Variants in ZDHHC15 observed in about 807,000 individuals in gnomAD.
ZDHHC15 encodes palmitoyltransferase ZDHHC15.
ZDHHC15 carries 19 observed loss-of-function variants against 31.7 expected under a neutral mutation model. The ratio of observed to expected loss-of-function variants is 0.60; its 90% CI spans 0.42 to 0.88. ZDHHC15 has a LOEUF of 0.88. Ranked by LOEUF, ZDHHC15 falls within the 40% of genes least tolerant of loss-of-function variation. ZDHHC15 has a pLI of 0.00. For synonymous variants in ZDHHC15, 103 were observed against 90.0 expected, an observed-to-expected ratio of 1.14 and a Z score of -0.82; for missense variants, 209 against 251.2, an observed-to-expected ratio of 0.83 and a Z score of 1.14.
chrX:75,441,393 C>G (rs139336549), intron 4 of ZDHHC15, among the ~76,000 whole-genome samples: 1 of 111,098 alleles, frequency 9.0e-6, no homozygotes, highest in Admixed American at 9.6e-5. Flanking sequence ...ATATTTCTCT[C>G]GGCTCTCCAA....
intron 8 of ZDHHC15, among the ~76,000 whole-genome samples, chrX:75,422,462 T>C (rs1008718990): frequency 9.8e-5 from 11 of 112,051 alleles, no homozygotes; most frequent in Non-Finnish European, 1.1e-4. Flanking sequence ...AATGAAAGTG[T>C]TCATGCTGAA....
At chrX:75,433,805 C>T (rs966108294) in intron 4 of ZDHHC15, among the ~76,000 whole-genome samples, 1 of 109,491 alleles carries the variant, frequency 9.1e-6, no homozygotes, top group Non-Finnish European at 1.9e-5. Flanking sequence ...GATGAACATG[C>T]CTGTGCAAGT....
At chrX:75,454,823 C>G (rs932760069) in intron 3 of ZDHHC15, among the ~76,000 whole-genome samples, 2 of 111,144 alleles carry the variant, frequency 1.8e-5, no homozygotes, top group Non-Finnish European at 3.8e-5. Flanking sequence ...ATGTGAAGGA[C>G]CTCTTTAAGG....
intron 8 of ZDHHC15, among the ~76,000 whole-genome samples, chrX:75,422,912 G>A (rs1449973644): frequency 9.4e-6 from 1 of 106,058 alleles, no homozygotes; most frequent in African/African-American, 3.4e-5. Flanking sequence ...CCACTAACTT[G>A]TCATCTAGCA....
intron 4 of ZDHHC15, among the ~76,000 whole-genome samples, chrX:75,442,605 C>T (rs988175722): frequency 2.7e-5 from 3 of 111,586 alleles, no homozygotes; most frequent in Non-Finnish European, 3.8e-5. Flanking sequence ...ATGTGAAGGA[C>T]CTTTTCAAGG....
chrX:75,387,286 C>T (rs1175846816), intron 10 of ZDHHC15, among the ~76,000 whole-genome samples: 1 of 111,679 alleles, frequency 9.0e-6, no homozygotes, highest in Admixed American at 9.5e-5. Flanking sequence ...AGAAGTAATA[C>T]TGAACAGGGA....
At chrX:75,407,108 G>A (rs1389001012) in intron 10 of ZDHHC15, among the ~76,000 whole-genome samples, 2 of 112,139 alleles carry the variant, frequency 1.8e-5, no homozygotes, top group Admixed American at 9.4e-5. Flanking sequence ...CCGCTACCCC[G>A]TATGGGAAGT....
At chrX:75,428,775 C>T (rs940103457) in intron 7 of ZDHHC15, among the ~76,000 whole-genome samples, 10 of 111,605 alleles carry the variant, frequency 9.0e-5, no homozygotes, top group Middle Eastern at 4.2e-3. Flanking sequence ...GGAAGTGGAA[C>T]TTTAAAACTC....
At chrX:75,425,277 A>G (rs1273214471) in intron 7 of ZDHHC15, among the ~76,000 whole-genome samples, 2 of 111,654 alleles carry the variant, frequency 1.8e-5, no homozygotes, top group East Asian at 2.8e-4. Context: ...TGTCCTACCC[A>G]TAAGTCATAA....
chrX:75,467,582 T>C (rs1462893573), intron 3 of ZDHHC15, among the ~76,000 whole-genome samples: 1 of 112,210 alleles, frequency 8.9e-6, no homozygotes, highest in Non-Finnish European at 1.9e-5. Context: ...TTTTTACACG[T>C]TAAAAATAAT....
chrX:75,456,626 T>C (rs1374235684), intron 3 of ZDHHC15, among the ~76,000 whole-genome samples: 1 of 111,249 alleles, frequency 9.0e-6, no homozygotes, highest in Non-Finnish European at 1.9e-5. Flanking sequence ...CCAACCACTG[T>C]GGAAGACAGT....
At chrX:75,417,231 T>C (rs745392289) in intron 9 of ZDHHC15, 41 bp from the exon 10 acceptor site, 2 of 981,578 alleles carry the variant, frequency 2.0e-6, no homozygotes, top group South Asian at 2.1e-5. Context: ...GCAGCTGACA[T>C]AGACTTTTGT....
At chrX:75,474,708 T>G (rs952931467) in intron 3 of ZDHHC15, among the ~76,000 whole-genome samples, 2 of 108,476 alleles carry the variant, frequency 1.8e-5, no homozygotes, top group African/African-American at 6.7e-5. Context: ...ATTTTAAAAC[T>G]GATCTGCACA....
At chrX:75,437,576 G>A (rs1299911021) in intron 4 of ZDHHC15, among the ~76,000 whole-genome samples, 1 of 101,557 alleles carries the variant, frequency 9.8e-6, no homozygotes, top group Non-Finnish European at 2.0e-5. Flanking sequence ...TGAGAATGAT[G>A]ATTTCCAATT....
chrX:75,487,747 C>A (rs961247192), intron 2 of ZDHHC15, among the ~76,000 whole-genome samples: 4 of 111,354 alleles, frequency 3.6e-5, no homozygotes, highest in African/African-American at 6.5e-5. Flanking sequence ...AGGCACCAGA[C>A]AAAGGTGAAA....
intron 10 of ZDHHC15, among the ~76,000 whole-genome samples, chrX:75,393,752 AAACAG>A (rs2083270360): frequency 1.8e-5 from 2 of 111,621 alleles, no homozygotes; most frequent in Non-Finnish European, 3.8e-5. Flanking sequence ...TTCTCTAGAG[AAACAG>A]AACTAATGGA....
At chrX:75,441,724 C>T (rs1050701185) in intron 4 of ZDHHC15, among the ~76,000 whole-genome samples, 2 of 107,984 alleles carry the variant, frequency 1.9e-5, no homozygotes, top group South Asian at 4.2e-4. Flanking sequence ...CCTGGGTTCA[C>T]GCCATTCTCC....
intron 10 of ZDHHC15, among the ~76,000 whole-genome samples, chrX:75,403,255 A>G (rs1199030111): frequency 8.9e-6 from 1 of 111,844 alleles, no homozygotes; most frequent in Non-Finnish European, 1.9e-5. Flanking sequence ...CATCTATGAC[A>G]AAGTCCCAGC....
chrX:75,498,312 A>G (rs1261903930), intron 2 of ZDHHC15, among the ~76,000 whole-genome samples: 2 of 111,002 alleles, frequency 1.8e-5, no homozygotes, highest in Non-Finnish European at 3.8e-5. Flanking sequence ...AAACTGGTAA[A>G]GAGAGAAAAA....
Sources: gnomAD v4.1 joint callset for allele counts (sites outside exome capture counted in the v4.1 genomes callset) on GRCh38, gnomAD v4.1.1 for gene constraint, MANE v1.5 for transcripts, NCBI Gene and HGNC (gene_info 2026-07-23, HGNC 2026-07-21) for gene names.